The following STAG3 variants were observed in gnomAD, a reference collection of about 807,000 sequenced individuals.
STAG3 encodes the protein cohesin subunit SA-3.
In STAG3, 101 loss-of-function variants were observed where a neutral mutation model predicts 160.7. The ratio of observed to expected loss-of-function variants is 0.63; its 90% confidence interval spans 0.54 to 0.74. STAG3 has a LOEUF of 0.74. STAG3 is among the 30% of genes least tolerant of loss of function. The pLI, the probability that STAG3 is intolerant of heterozygous loss-of-function variation, is 0.00. For missense variants in STAG3, 1,188 were observed against 1,517.4 expected, an observed-to-expected ratio of 0.78 and a Z score of 3.61; for synonymous variants, 519 against 585.0, an observed-to-expected ratio of 0.89 and a Z score of 1.63.
chr7:100,211,833 A>G lies in STAG3; in HGVS notation c.3557A>G (p.Glu1186Gly). Residue 1186 changes from glutamate (E) to glycine (G), a missense_variant, in exon 32 of 34, where the codon GAA becomes GGA. By Grantham distance (98) the Glu-to-Gly change is moderately conservative. This residue lies in a region of STAG3 where 647 missense variants were observed against 717.2 expected (regional missense o/e 0.90). Transcript: ENST00000615138. ...GAAGAGGACGAGGAAGAAGAGTTAG[A>G]AATCCAGGATGAGTCAAATGAAGAA... ...LMEEDEEEEL[E>G]IQDESNEERQ... The G allele has an allele frequency of 1.2e-6, 2 of 1,614,172 alleles. No homozygotes were observed. The highest frequency in any genetic ancestry group is 1.7e-6 in the Non-Finnish European group (2 of 1,180,038).
intron 29 of STAG3, among the ~76,000 whole-genome samples, chr7:100,206,086 C>T (rs981428069): frequency 6.6e-6 from 1 of 151,904 alleles, no homozygotes; most frequent in African/African-American, 2.4e-5. Flanking sequence ...GCCATCTCGG[C>T]TCACTGCAAG....
chr7:100,213,851 G>A (rs771171320), intron 33 of STAG3, 45 bp downstream of exon 33: 1 of 1,614,022 alleles, frequency 6.2e-7, no homozygotes, highest in African/African-American at 1.3e-5. Flanking sequence ...CGGAAATGCT[G>A]GCAGGCAACC....
Position 100,197,761 on chromosome 7 carries a change from T to A in STAG3, c.1066-17T>A. ...GTTAGTCTTATTTCCATTCTCCTGGTTTTCCCTCCTCACCAGCACCGAGAA... is the reference window on the plus strand; with the variant it reads ...GTTAGTCTTATTTCCATTCTCCTGGATTTCCCTCCTCACCAGCACCGAGAA... On this transcript the variant is annotated splice_polypyrimidine_tract_variant and intron_variant, in intron 10 of 33. Transcript: ENST00000615138. The A allele has an allele frequency of 6.2e-7, 1 of 1,605,348 alleles. No homozygotes were observed. The highest frequency in any genetic ancestry group is 1.1e-5 in the South Asian group (1 of 90,856).
At position 100,177,919 on chromosome 7, in the gene STAG3, C is replaced by T. The variant is rs1799370046; in HGVS notation, c.-151C>T. On this transcript the variant is annotated 5_prime_UTR_variant, in exon 1 of 34. Coordinates refer to ENST00000615138, the MANE Select transcript of STAG3 (RefSeq NM_001282717.2). ...ACAGCGTGTCTTGTACGTTCCCGCG[C>T]TTTTCTGGAATCTTTCGCCCCCGGA... 1.3e-5 allele frequency: 2 copies of T among 152,346 alleles called. No homozygotes were observed. Among genetic ancestry groups the T allele is most frequent in the Admixed American group, 6.5e-5 (1 of 15,284 alleles). 9.4% of individuals were successfully genotyped at this position (152,346 alleles called of 1,614,324 possible). A position where few individuals can be genotyped will look rare whatever the true frequency, so the allele number is the denominator to read the frequency against.
intron 27 of STAG3, 65 bp from the exon 28 acceptor site, chr7:100,204,940 A>G: frequency 6.3e-7 from 1 of 1,590,310 alleles, no homozygotes; most frequent in East Asian, 2.2e-5. Flanking sequence ...TTTGGACAGG[A>G]TAGCTCAGGC....
rs755425120 is a variant in STAG3 at position 100,210,105 on chromosome 7, G to C, written c.3239-906G>C. Among the ~76,000 whole-genome samples the C allele has an allele frequency of 2.6e-4, 40 of 152,174 alleles. 1 individual carries two copies. Among genetic ancestry groups the C allele is most frequent in the Non-Finnish European group, 5.3e-4 (36 of 68,030 alleles). On this transcript the variant is annotated intron_variant, in intron 29 of 33. Transcript: ENST00000615138. ...GATGGAGAAGAGGAGAGACTCAAGG[G>C]CCCAGCCCTCGGGCATCACACCATT...
chr7:100,215,965 C>T (rs1802716358), downstream of STAG3, among the ~76,000 whole-genome samples: 1 of 152,204 alleles, frequency 6.6e-6, no homozygotes, highest in African/African-American at 2.4e-5. Flanking sequence ...GCAAGGCCAG[C>T]AGCCAAAGGA....
chr7:100,214,977 G>A (rs1298541106), downstream of STAG3: 3 of 152,048 alleles, frequency 2.0e-5, no homozygotes, highest in Non-Finnish European at 2.9e-5. Flanking sequence ...CACCTAGACT[G>A]CCACAGTGCA....
intron 4 of STAG3, 60 bp downstream of exon 4, chr7:100,182,899 A>G: frequency 1.3e-6 from 2 of 1,588,548 alleles, no homozygotes; most frequent in Admixed American, 1.7e-5. Context: ...GGTAAGGACA[A>G]GTGTCTACAA....
At position 100,199,551 on chromosome 7, in the gene STAG3, T is replaced by A. The variant is rs770338935; in HGVS notation, c.1584T>A (p.Asp528Glu). ...CTCCTGGCACTCCAGACCTGGGTGA[T>A]GTGCAGGAGAGCACACTGATAGAAA... ...LLLEKDQNLG[D>E]VQESTLIEIL... Residue 528 changes from aspartate to glutamate, a missense_variant, in exon 16 of 34, where the codon GAT (aspartate) becomes GAA (glutamate). This residue lies in a region of STAG3 where 240 missense variants were observed against 358.1 expected (regional missense o/e 0.67). Transcript: ENST00000615138. 1.2e-6 allele frequency: 2 copies of A among 1,603,652 alleles called. No individual in the cohort carries two copies. Among genetic ancestry groups the A allele is most frequent in the Admixed American group, 3.4e-5 (2 of 59,174 alleles).
Position 100,207,839 on chromosome 7 carries a change from G to A in STAG3, c.3238+2455G>A, listed in dbSNP as rs548759266. 5.3e-5 allele frequency among the ~76,000 whole-genome samples: 8 copies of A among 152,280 alleles called. No homozygotes were observed. The highest frequency in any genetic ancestry group is 6.8e-3 in the Middle Eastern group (2 of 294). On this transcript the variant is annotated intron_variant, in intron 29 of 33. Coordinates refer to ENST00000615138, the MANE Select transcript of STAG3 (RefSeq NM_001282717.2). The surrounding 1 kb of genome is among the most constrained non-coding windows in gnomAD (Gnocchi z 4.0). ...TCTTCTAAGAGTTATAGTTTTAGCC[G>A]GGCATGGTGGCTCACGCCTGTAATC...
rs181266208 is a variant in STAG3, at chr7:100,180,802, G to C, written c.116+130G>C. On this transcript the variant is annotated intron_variant, in intron 2 of 33. Coordinates refer to ENST00000615138, the MANE Select transcript of STAG3 (RefSeq NM_001282717.2). ...AGAAGTGCTATACTCGTTCAGCACA[G>C]TGACACCCTCCCTCCAGCTCCAGGT... is the stretch of plus-strand genomic sequence containing the variant. The C allele has an allele frequency of 4.8e-4, 305 of 641,206 alleles. 3 individuals are homozygous for C. The Middle Eastern group carries it at 5.4e-3, about 11-fold the overall frequency. 39.7% of individuals were successfully genotyped at this position (641,206 alleles called of 1,614,324 possible). A position where few individuals can be genotyped will look rare whatever the true frequency, so the allele number is the denominator to read the frequency against.
At chr7:100,204,865 G>A in intron 27 of STAG3, 90 bp downstream of exon 27, 1 of 1,589,414 alleles carries the variant, frequency 6.3e-7, no homozygotes. Flanking sequence ...GTGTGTCAAG[G>A]CATAGCAGTC....
At chr7:100,178,568 G>A (rs1243601837) in intron 1 of STAG3, among the ~76,000 whole-genome samples, 1 of 147,596 alleles carries the variant, frequency 6.8e-6, no homozygotes, top group Non-Finnish European at 1.5e-5. Flanking sequence ...TGTCTGCCTT[G>A]CTTGGCTTTT....
intron 1 of STAG3, among the ~76,000 whole-genome samples, chr7:100,178,412 C>A (rs1039029968): frequency 6.6e-6 from 1 of 152,094 alleles, no homozygotes; most frequent in Non-Finnish European, 1.5e-5. Flanking sequence ...CCTCTGGAAA[C>A]GAAAGCCTGG....
intron 29 of STAG3, 129 bp downstream of exon 29, chr7:100,205,513 T>G (rs1257230893): frequency 1.0e-6 from 1 of 1,003,842 alleles, no homozygotes; most frequent in Admixed American, 3.2e-5. Context: ...AAGGTTTATC[T>G]AGTCAACTGA....
chr7:100,209,904 G>C (rs1385589545), intron 29 of STAG3, among the ~76,000 whole-genome samples: 5 of 152,222 alleles, frequency 3.3e-5, no homozygotes, highest in Non-Finnish European at 7.3e-5. Context: ...AGCTGTGGGG[G>C]AAGGTTGGGG....
At chr7:100,216,260 G>A (rs1802740921), downstream of STAG3, among the ~76,000 whole-genome samples, 1 of 152,096 alleles carries the variant, frequency 6.6e-6, no homozygotes, top group Non-Finnish European at 1.5e-5. Context: ...GGCCTTAAGA[G>A]TCATAAGACT....
At chr7:100,215,459 A>G (rs903477203), downstream of STAG3, among the ~76,000 whole-genome samples, 8 of 152,224 alleles carry the variant, frequency 5.3e-5, no homozygotes, top group East Asian at 5.8e-4. Context: ...TAACTCATTG[A>G]GCGATCTTTC....
Sources: gnomAD v4.1 joint callset for allele counts (sites outside exome capture counted in the v4.1 genomes callset) on GRCh38, gnomAD v4.1.1 for gene constraint, gnomAD v4.1.1 regional missense constraint, Gnocchi (gnomAD v3.1) non-coding constraint, MANE v1.5 for transcripts, NCBI Gene and HGNC (gene_info 2026-07-23, HGNC 2026-07-21) for gene names.